The following MYO1A variants were observed in gnomAD, a reference collection of about 807,000 sequenced individuals.
MYO1A encodes myosin IA.
In MYO1A, 127 loss-of-function variants were observed where a neutral mutation model predicts 138.5. That is an observed-to-expected ratio of 0.92 (90% CI 0.79 to 1.06). The LOEUF (loss-of-function observed/expected upper bound fraction) is 1.06. Among genes scored for constraint, MYO1A ranks in the 50% least tolerant of loss-of-function variants. The pLI is 0.00. For synonymous variants in MYO1A, 477 were observed against 497.5 expected, an observed-to-expected ratio of 0.96 and a Z score of 0.55; for missense variants, 1,211 against 1,288.8, an observed-to-expected ratio of 0.94 and a Z score of 0.92.
rs145060852 is a variant in MYO1A at position 57,029,245 on chromosome 12, G to A, written c.2892C>T (p.Gly964=). The A allele has an allele frequency of 7.4e-4, 1,194 of 1,614,002 alleles. 9 individuals are homozygous for A. The highest frequency in any genetic ancestry group is 3.3e-4 in the Middle Eastern group (2 of 6,062). The change falls in exon 27 of 28, where the codon GGC becomes GGT. Residue 964 remains glycine (G), a synonymous_variant. Transcript: ENST00000300119. ...TGACCAGCAGGAAGTCCCCCTTGGA[G>A]CCCACCGATGACATCTTAGGAAGAG... The part of the protein sequence containing the change: ...SLHLSEMSSV[G]SKGDFLLVSE...
chr12:57,029,618 G>A (rs2030168002), intron 25 of MYO1A, 31 bp from the exon 26 acceptor site: 2 of 1,614,188 alleles, frequency 1.2e-6, no homozygotes, highest in East Asian at 2.2e-5. Flanking sequence ...GGTGAGGAAA[G>A]GCAGGATTAA....
At chr12:57,030,936 A>C in intron 23 of MYO1A, 104 bp downstream of exon 23, 1 of 1,446,522 alleles carries the variant, frequency 6.9e-7, no homozygotes, top group Non-Finnish European at 9.4e-7. Flanking sequence ...TTTTACCACA[A>C]TTTTTTTAAT....
rs1201129969 is a variant in MYO1A, at chr12:57,038,426, G to T, written c.1746C>A (p.Ser582Arg). The change falls in exon 17 of 28, where the codon AGC becomes AGA. Residue 582 changes from serine (S) to arginine (R), a missense_variant. Physicochemically the swap from Ser to Arg is moderately radical, Grantham distance 110. Transcript: ENST00000300119. ...CAGCATGTCACCTGATGTAGTTGGG[G>T]CTCTTGGAATACAGATTCTTCATGA... is the stretch of plus-strand genomic sequence containing the variant. Reference protein sequence around the residue: ...AILMKNLYSKSPNYIRCIKPN... With the variant: ...AILMKNLYSKRPNYIRCIKPN... 5.0e-6 allele frequency: 8 copies of T among 1,614,072 alleles called. No homozygotes were observed. Among genetic ancestry groups the T allele is most frequent in the Non-Finnish European group, 6.8e-6 (8 of 1,180,042 alleles).
intron 18 of MYO1A, 99 bp downstream of exon 18, chr12:57,037,770 C>T (rs2030632630): frequency 3.3e-6 from 5 of 1,498,104 alleles, no homozygotes; most frequent in South Asian, 2.3e-5. Context: ...TCCATTCACC[C>T]AGCTTCAGCA....
In MYO1A at chr12:57,031,229, G is replaced by A. The variant is rs2030270066; in HGVS notation, c.2350-55C>T. ...GAGTGATAAGAAACACTTCCTGACA[G>A]GCAAACTGGCACCCAGATCCTGCCA... On this transcript the variant is annotated intron_variant, in intron 22 of 27. Transcript: ENST00000300119. 7.5e-6 allele frequency: 12 copies of A among 1,604,432 alleles called. No homozygotes were observed. In the South Asian group the frequency reaches 1.1e-4, roughly 15 times the overall value.
chr12:57,048,169 A>G, intron 2 of MYO1A, 41 bp downstream of exon 2: 3 of 1,596,652 alleles, frequency 1.9e-6, no homozygotes, highest in Non-Finnish European at 2.6e-6. Flanking sequence ...TGACCTCTCC[A>G]GCCACATATC....
At position 57,030,369 on chromosome 12, in the gene MYO1A, G is replaced by C. The variant is rs566501707; in HGVS notation, c.2485-53C>G. Reference sequence around the variant, plus strand: ...AATCATAGAGTGGGAGGGCAGGGCTGGGGAGGGAGGTGAGAAATATTGACT... The same window carrying C: ...AATCATAGAGTGGGAGGGCAGGGCTCGGGAGGGAGGTGAGAAATATTGACT... On this transcript the variant is annotated intron_variant, in intron 23 of 27. Transcript: ENST00000300119. 1.1e-5 allele frequency: 15 copies of C among 1,373,164 alleles called. No individual in the cohort carries two copies. In the South Asian group the frequency reaches 1.5e-4, roughly 14 times the overall value. The allele number at this position is 1,373,164 out of a possible 1,614,324, so 85.1% of individuals were successfully genotyped here. A position where few individuals can be genotyped will look rare whatever the true frequency, so the allele number is the denominator to read the frequency against.
At chr12:57,047,246 C>A (rs2031141872) in intron 5 of MYO1A, 57 bp downstream of exon 5, 1 of 1,584,132 alleles carries the variant, frequency 6.3e-7, no homozygotes, top group Admixed American at 1.7e-5. Flanking sequence ...GGGTCTAGGG[C>A]TCAGTGATTC....
rs182651073 is a variant in MYO1A at position 57,031,612 on chromosome 12, T to C, written c.2350-438A>G. ...TCAAGTCCAAACATGTCAGCCTCCA[T>C]TCAAAGGAAGAAGGAGCAAATAAAG... is the stretch of plus-strand genomic sequence containing the variant. On this transcript the variant is annotated intron_variant, in intron 22 of 27. Transcript: ENST00000300119. Among the ~76,000 whole-genome samples the C allele has an allele frequency of 1.6e-4, 24 of 152,256 alleles. No homozygotes were observed. In the East Asian group the frequency reaches 3.1e-3, roughly 20 times the overall value.
Position 57,046,611 on chromosome 12 carries a change from C to T in MYO1A, c.581G>A (p.Gly194Glu). ...EKSRLVKQLKGERNFHIFYQL... is the reference protein window; with the variant it reads ...EKSRLVKQLKEERNFHIFYQL... The stretch of plus-strand genomic sequence containing the variant: ...ATAGAAGATGTGGAAGTTCCTTTCT[C>T]CTTTGAGCTGCTTCACTAATCGGGA... Residue 194 changes from glycine (G) to glutamate (E), a missense_variant, in exon 8 of 28, where the codon GGA (glycine) becomes GAA (glutamate). By Grantham distance (98) the Gly-to-Glu change is moderately conservative. Coordinates refer to ENST00000300119, the MANE Select transcript of MYO1A (RefSeq NM_005379.4). 1 of 1,614,068 alleles carries T rather than the reference C, an allele frequency of 6.2e-7. No homozygotes were observed. The highest frequency in any genetic ancestry group is 1.1e-5 in the South Asian group (1 of 91,080).
chr12:57,038,186 A>T, intron 17 of MYO1A, 117 bp from the exon 18 acceptor site: 1 of 1,288,346 alleles, frequency 7.8e-7, no homozygotes, highest in Non-Finnish European at 1.1e-6. Flanking sequence ...CAAAGAAAGT[A>T]GACACACTGG....
At chr12:57,046,729 C>T (rs907266281) in intron 7 of MYO1A, 79 bp from the exon 8 acceptor site, 2 of 1,470,016 alleles carry the variant, frequency 1.4e-6, no homozygotes, top group Admixed American at 3.4e-5. Flanking sequence ...GAGAATGCCC[C>T]CATCGCCGGC....
rs754809824 is a variant in MYO1A at position 57,029,868 on chromosome 12, G to A, written c.2596C>T (p.Pro866Ser). ...GKKASYPQSV[P>S]IPFCGDYIGL... ...ATGTAGTCACCACAGAATGGAATGGGGACACTGAGAACACATGGGAGGTGT... is the reference window on the plus strand; with the variant it reads ...ATGTAGTCACCACAGAATGGAATGGAGACACTGAGAACACATGGGAGGTGT... The change falls in exon 25 of 28, where the codon CCC (proline) becomes TCC (serine). Residue 866 changes from proline to serine, a missense_variant. Coordinates refer to ENST00000300119, the MANE Select transcript of MYO1A (RefSeq NM_005379.4). The A allele has an allele frequency of 6.2e-7, 1 of 1,614,138 alleles. No individual in the cohort carries two copies. The highest frequency in any genetic ancestry group is 1.1e-5 in the South Asian group (1 of 91,068).
chr12:57,036,406 G>A, intron 21 of MYO1A, 25 bp from the exon 22 acceptor site: 1 of 1,610,942 alleles, frequency 6.2e-7, no homozygotes, highest in Non-Finnish European at 8.5e-7. Flanking sequence ...CAAGAAAGGA[G>A]CCAAAGTGAA....
At chr12:57,043,773 T>C in intron 10 of MYO1A, 83 bp downstream of exon 10, 1 of 1,583,240 alleles carries the variant, frequency 6.3e-7, no homozygotes, top group Non-Finnish European at 8.6e-7. Context: ...TGAGATCAAT[T>C]ATGCTAGAGA....
At chr12:57,050,183 C>T (rs2031288966), upstream of MYO1A, 1 of 152,232 alleles carries the variant, frequency 6.6e-6, no homozygotes, top group African/African-American at 2.4e-5. Context: ...GAGGGTGTGG[C>T]TCACTTAACC....
chr12:57,032,955 C>T (rs188894410), intron 22 of MYO1A, among the ~76,000 whole-genome samples: 50 of 152,310 alleles, frequency 3.3e-4, no homozygotes, highest in African/African-American at 1.1e-3. Flanking sequence ...AATGCACCAA[C>T]TGATAATGTT....
Position 57,031,151 on chromosome 12 carries a change from C to T in MYO1A, c.2373G>A (p.Leu791=). 2 of 1,614,154 alleles carry T rather than the reference C, an allele frequency of 1.2e-6. No individual in the cohort carries two copies. Among genetic ancestry groups the T allele is most frequent in the South Asian group, 1.1e-5 (1 of 91,078 alleles). Residue 791 remains leucine, a synonymous_variant, in exon 23 of 28, where the codon CTG becomes CTA. Coordinates refer to ENST00000300119, the MANE Select transcript of MYO1A (RefSeq NM_005379.4). ...KSMVQKFLLG[L]KNNLPSTNVL... is the part of the protein sequence containing the mutation. ...CGTTTGTGGATGGCAAATTGTTCTT[C>T]AGCCCCAGTAGGAATTTCTGTACCT...
chr12:57,032,934 TTCC>T (rs1417473898), intron 22 of MYO1A, among the ~76,000 whole-genome samples: 1 of 152,182 alleles, frequency 6.6e-6, no homozygotes, highest in African/African-American at 2.4e-5. Flanking sequence ...ATACTGTATG[TTCC>T]TCATCTAAAT....
Sources: allele counts gnomAD v4.1 joint callset (sites outside exome capture counted in the v4.1 genomes callset), GRCh38; gene constraint gnomAD v4.1.1; transcripts MANE v1.5; gene names NCBI Gene and HGNC (gene_info 2026-07-23, HGNC 2026-07-21).